Variants in FGD3 observed in about 807,000 individuals in gnomAD.
The protein encoded by FGD3 is FYVE, RhoGEF and PH domain containing 3.
Under a neutral mutation model 71.8 loss-of-function variants are expected in FGD3, and 45 were observed. That is an observed-to-expected ratio of 0.63 (90% CI 0.49 to 0.80). The LOEUF (loss-of-function observed/expected upper bound fraction) is 0.80. Ranked by LOEUF, FGD3 falls within the 30% of genes least tolerant of loss-of-function variation. The pLI, the probability that FGD3 is intolerant of heterozygous loss-of-function variation, is 0.00. For synonymous variants in FGD3, 378 were observed against 392.8 expected (o/e 0.96, Z 0.44); for missense variants, 844 against 951.5 (o/e 0.89, Z 1.49).
At chr9:92,947,834 T>G (rs925410668) in intron 1 of FGD3, 105 bp downstream of exon 1, 1 of 152,462 alleles carries the variant, frequency 6.6e-6, no homozygotes, top group African/African-American at 2.4e-5. Flanking sequence ...GAGCAGGGCT[T>G]CTCCAGGGGG....
At chr9:93,013,828 G>T (rs767351964) in intron 8 of FGD3, 24 bp from the exon 9 acceptor site, 5 of 1,611,134 alleles carry the variant, frequency 3.1e-6, no homozygotes, top group Non-Finnish European at 4.2e-6. Flanking sequence ...GACCTTTGGT[G>T]CCTGAGTCCC....
intron 14 of FGD3, among the ~76,000 whole-genome samples, chr9:93,027,156 C>T (rs544362111): frequency 6.6e-4 from 101 of 152,328 alleles, no homozygotes; most frequent in African/African-American, 2.4e-3. Flanking sequence ...GTCCCTGTCA[C>T]CCTCAAGCCA....
chr9:92,979,172 C>T (rs1270299989), intron 3 of FGD3, among the ~76,000 whole-genome samples: 1 of 152,062 alleles, frequency 6.6e-6, no homozygotes, highest in Admixed American at 6.5e-5. Context: ...GAGTGGGCAT[C>T]CTTGTCTTAT....
intron 11 of FGD3, among the ~76,000 whole-genome samples, chr9:93,019,069 G>C (rs967083571): frequency 6.6e-6 from 1 of 151,986 alleles, no homozygotes; most frequent in Non-Finnish European, 1.5e-5. Context: ...GGCTGGTCTC[G>C]AACTCTTGAC....
intron 1 of FGD3, among the ~76,000 whole-genome samples, chr9:92,953,755 C>G (rs1015488382): frequency 6.6e-6 from 1 of 152,152 alleles, no homozygotes; most frequent in Non-Finnish European, 1.5e-5. Flanking sequence ...GCCTTTGGAC[C>G]AAATGTAATT....
intron 3 of FGD3, among the ~76,000 whole-genome samples, chr9:92,984,528 T>C (rs1361432038): frequency 4.6e-5 from 7 of 152,214 alleles, no homozygotes; most frequent in Non-Finnish European, 7.3e-5. Flanking sequence ...GTTAGATTTT[T>C]GCTAGGGTTT....
intron 1 of FGD3, among the ~76,000 whole-genome samples, chr9:92,958,583 A>G (rs7043469): frequency 0.32 from 49,300 of 152,136 alleles, 8,385 homozygotes; most frequent in Middle Eastern, 0.43. Context: ...GAAGTTGTTT[A>G]TAAAGTTTTT....
At chr9:93,035,073 A>G (rs1349345011) in intron 17 of FGD3, among the ~76,000 whole-genome samples, 1 of 152,168 alleles carries the variant, frequency 6.6e-6, no homozygotes, top group Non-Finnish European at 1.5e-5. Flanking sequence ...AGCCCAAAGA[A>G]GGCCATGGAG....
intron 1 of FGD3, among the ~76,000 whole-genome samples, chr9:92,972,383 C>T (rs1032930213): frequency 5.6e-5 from 8 of 142,192 alleles, no homozygotes; most frequent in South Asian, 2.2e-4. Context: ...ACCCAGGAGG[C>T]GGAGGTTGCA....
At chr9:92,984,192 C>A (rs576345640) in intron 3 of FGD3, among the ~76,000 whole-genome samples, 1 of 152,208 alleles carries the variant, frequency 6.6e-6, no homozygotes, top group Non-Finnish European at 1.5e-5. Context: ...GTTTATAAAG[C>A]ATTTTACAAC....
intron 1 of FGD3, among the ~76,000 whole-genome samples, chr9:92,953,810 T>C (rs1859002076): frequency 6.6e-6 from 1 of 152,234 alleles, no homozygotes; most frequent in Non-Finnish European, 1.5e-5. Context: ...AAATGTGTTT[T>C]CAGAAAGCAG....
chr9:92,956,837 T>TG (rs1564139537), intron 1 of FGD3, among the ~76,000 whole-genome samples: 5 of 144,234 alleles, frequency 3.5e-5, no homozygotes, highest in African/African-American at 1.1e-4. Flanking sequence ...TTGCTTTCTT[T>TG]CTTTTTTTTT....
At chr9:92,966,546 G>T (rs1434191875) in intron 1 of FGD3, among the ~76,000 whole-genome samples, 2 of 152,256 alleles carry the variant, frequency 1.3e-5, no homozygotes, top group African/African-American at 2.4e-5. Context: ...CACCCTCCAG[G>T]TGGGGGCACC....
intron 3 of FGD3, among the ~76,000 whole-genome samples, chr9:92,986,685 C>T (rs950334981): frequency 6.6e-6 from 1 of 152,204 alleles, no homozygotes; most frequent in Non-Finnish European, 1.5e-5. Context: ...TAAAGGACCA[C>T]AGAGTGAGGC....
Position 92,969,475 on chromosome 9 carries a change from A to G in FGD3, c.-217-5763A>G, listed in dbSNP as rs999475252. ...TCCGCTTTTAGATTGAAGTGGCATC[A>G]AAGAATATACGGGCAGTTTAAAAAC... On this transcript the variant is annotated intron_variant, in intron 1 of 17. Transcript: ENST00000375482. This position sits in a 1 kb window ranked among gnomAD's most constrained non-coding sequence, Gnocchi z 4.5. Among the ~76,000 whole-genome samples, 4 of 152,362 alleles carry G rather than the reference A, an allele frequency of 2.6e-5. No homozygotes were observed. The highest frequency in any genetic ancestry group is 3.4e-3 in the Middle Eastern group (1 of 294).
intron 14 of FGD3, among the ~76,000 whole-genome samples, chr9:93,027,709 TTC>T (rs1202747480): frequency 7.9e-6 from 1 of 127,382 alleles, no homozygotes; most frequent in Non-Finnish European, 1.6e-5. Flanking sequence ...ATCTTTTTCT[TTC>T]TTTCTTTTTT....
intron 3 of FGD3, among the ~76,000 whole-genome samples, chr9:92,995,354 T>C (rs1438638775): frequency 2.6e-5 from 4 of 152,234 alleles, no homozygotes; most frequent in African/African-American, 7.2e-5. Flanking sequence ...AAGTTGCTTA[T>C]CAGCTTAAGG....
chr9:92,968,500 A>G (rs1279531008), intron 1 of FGD3, among the ~76,000 whole-genome samples: 2 of 151,866 alleles, frequency 1.3e-5, no homozygotes. Flanking sequence ...CACAGCAGAC[A>G]GGGCATTTCC....
chr9:93,010,798 G>C (rs1861312019), intron 7 of FGD3, among the ~76,000 whole-genome samples: 1 of 152,124 alleles, frequency 6.6e-6, no homozygotes, highest in African/African-American at 2.4e-5. Flanking sequence ...TTTGAGGGCA[G>C]AGAAAAATCT....
Sources: allele counts gnomAD v4.1 joint callset (sites outside exome capture counted in the v4.1 genomes callset), GRCh38; gene constraint gnomAD v4.1.1; non-coding constraint Gnocchi (gnomAD v3.1); transcripts MANE v1.5; gene names NCBI Gene and HGNC (gene_info 2026-07-23, HGNC 2026-07-21).